The following RNASEH2B variants were observed in gnomAD, a reference collection of about 807,000 sequenced individuals.
The protein encoded by RNASEH2B is ribonuclease H2 subunit B.
A neutral mutation model predicts 45.0 loss-of-function variants in RNASEH2B; 36 were observed. That is an observed-to-expected ratio of 0.80 (90% confidence interval 0.61 to 1.06). RNASEH2B has a LOEUF of 1.06. RNASEH2B is among the 50% of genes least tolerant of loss of function. RNASEH2B has a pLI of 0.00. For synonymous variants in RNASEH2B, 119 were observed against 125.7 expected (o/e 0.95, Z 0.35); for missense variants, 361 against 360.3 (o/e 1.00, Z -0.02).
chr13:50,934,939 A>G lies in RNASEH2B; in HGVS notation c.376A>G (p.Ile126Val), dbSNP rs569343532. 1.9e-6 allele frequency: 3 copies of G among 1,614,052 alleles called. No individual in the cohort carries two copies. In the African/African-American group the frequency reaches 4.0e-5, roughly 22 times the overall value. Residue 126 changes from isoleucine to valine, a missense_variant, in exon 5 of 11, where the codon ATC (isoleucine) becomes GTC (valine). Ile to Val is a conservative substitution (Grantham distance 29, BLOSUM62 3). Transcript: ENST00000336617. ...VVVDNVFPNC[I>V]LLLKLPGLEK... Reference sequence around the variant, plus strand: ...GGTGGATAACGTGTTTCCAAATTGCATCTTGTTGCTGAAACTTCCTGGACT... The same window carrying G: ...GGTGGATAACGTGTTTCCAAATTGCGTCTTGTTGCTGAAACTTCCTGGACT...
intron 1 of RNASEH2B, 171 bp from the exon 2 acceptor site, chr13:50,927,236 A>G (rs929083146): frequency 4.7e-5 from 26 of 549,436 alleles, no homozygotes; most frequent in Non-Finnish European, 6.0e-5. Context: ...TTCAACTGCA[A>G]CTTGCAGAGA....
chr13:50,952,330 T>C (rs1229610986), intron 9 of RNASEH2B: 1 of 152,212 alleles, frequency 6.6e-6, no homozygotes, highest in Non-Finnish European at 1.5e-5. Flanking sequence ...TTCACCCTCC[T>C]AGCTGAAGAT....
At chr13:50,939,356 C>CAAAAAAAAAAA (rs71190394) in intron 5 of RNASEH2B, among the ~76,000 whole-genome samples, 1,566 of 145,576 alleles carry the variant, frequency 0.011, 30 homozygotes, top group African/African-American at 0.035. Flanking sequence ...GACTCTGTTT[C>CAAAAAAAAAAA]AAAAGAAAAA....
chr13:50,968,249 A>G (rs1952185231), intron 9 of RNASEH2B, among the ~76,000 whole-genome samples: 1 of 152,082 alleles, frequency 6.6e-6, no homozygotes, highest in African/African-American at 2.4e-5. Context: ...AAAAATAAAA[A>G]ATTAGCCAGG....
chr13:50,959,482 T>A (rs940501991), downstream of RNASEH2B: 3 of 152,132 alleles, frequency 2.0e-5, no homozygotes, highest in African/African-American at 7.2e-5. Context: ...AGATGGAGTT[T>A]CGCTCTTGTT....
chr13:50,953,295 G>A (rs1951999441), intron 9 of RNASEH2B: 1 of 153,260 alleles, frequency 6.5e-6, no homozygotes, highest in African/African-American at 2.4e-5. Flanking sequence ...TGACTTAGTT[G>A]CATTGGGCCT....
rs998580144 is a variant in RNASEH2B, at chr13:50,956,299, A to G, written c.823-59A>G. ...AGACATGCAGTCTTCTTTGATTTCC[A>G]TATATGATTAATAAATGTTACATTC... On this transcript the variant is annotated intron_variant, in intron 10 of 10. Transcript: ENST00000336617. 8.9e-6 allele frequency: 12 copies of G among 1,347,914 alleles called. No individual in the cohort carries two copies. The African/African-American group carries it at 1.0e-4, about 11-fold the overall frequency. The allele number at this position is 1,347,914 out of a possible 1,614,324, so 83.5% of individuals were successfully genotyped here. A position where few individuals can be genotyped will look rare whatever the true frequency, so the allele number is the denominator to read the frequency against.
intron 5 of RNASEH2B, chr13:50,941,152 T>G (rs1317864400): frequency 6.6e-6 from 1 of 152,248 alleles, no homozygotes; most frequent in Non-Finnish European, 1.5e-5. Flanking sequence ...CAAATCATAT[T>G]TTTCATCACA....
At chr13:50,949,440 A>G in intron 8 of RNASEH2B, 23 bp from the exon 9 acceptor site, 1 of 1,611,372 alleles carries the variant, frequency 6.2e-7, no homozygotes, top group Non-Finnish European at 8.5e-7. Flanking sequence ...GATGACTTTG[A>G]TTGTTATTTT....
intron 1 of RNASEH2B, among the ~76,000 whole-genome samples, chr13:50,926,667 A>G (rs1951600948): frequency 1.3e-5 from 2 of 152,200 alleles, no homozygotes; most frequent in Admixed American, 1.3e-4. Context: ...AATTCACAGA[A>G]TCTTAAGAAA....
At position 50,933,193 on chromosome 13, in the gene RNASEH2B, C is replaced by T. The variant is rs564841649; in HGVS notation, c.322-1692C>T. Among the ~76,000 whole-genome samples the T allele has an allele frequency of 7.9e-5, 12 of 152,332 alleles. 1 individual carries two copies. The South Asian group carries it at 2.3e-3, about 29-fold the overall frequency. ...AATTAATGAGCAGAAAGACACCAACCAGCCTCAGCAAATGTATTGATCTGC... is the reference window on the plus strand; with the variant it reads ...AATTAATGAGCAGAAAGACACCAACTAGCCTCAGCAAATGTATTGATCTGC... On this transcript the variant is annotated intron_variant, in intron 4 of 10. Coordinates refer to ENST00000336617, the MANE Select transcript of RNASEH2B (RefSeq NM_024570.4).
chr13:50,966,643 A>C (rs1013661532), intron 9 of RNASEH2B, among the ~76,000 whole-genome samples: 5 of 152,090 alleles, frequency 3.3e-5, no homozygotes, highest in Admixed American at 6.5e-5. Context: ...TCGGTTCTGC[A>C]CTGCCAAAGA....
intron 7 of RNASEH2B, among the ~76,000 whole-genome samples, chr13:50,947,541 G>A (rs1951918660): frequency 6.6e-6 from 1 of 151,652 alleles, no homozygotes; most frequent in Non-Finnish European, 1.5e-5. Context: ...TCTCTTAAAT[G>A]AGTACACTCA....
intron 5 of RNASEH2B, chr13:50,941,285 G>A: frequency 6.6e-6 from 1 of 152,228 alleles, no homozygotes; most frequent in Non-Finnish European, 1.5e-5. Flanking sequence ...TACACATGGG[G>A]GAACAGGCTT....
intron 1 of RNASEH2B, among the ~76,000 whole-genome samples, chr13:50,924,988 G>GT (rs796524573): frequency 3.0e-4 from 44 of 148,628 alleles, no homozygotes; most frequent in Admixed American, 7.4e-4. Flanking sequence ...CTTTCTTCAA[G>GT]TTTTTTTTTT....
chr13:50,930,360 C>T (rs915740317), intron 3 of RNASEH2B, among the ~76,000 whole-genome samples: 1 of 152,196 alleles, frequency 6.6e-6, no homozygotes, highest in African/African-American at 2.4e-5. Flanking sequence ...TCTGTGCTTC[C>T]TCCTAACCCC....
chr13:50,951,471 T>C (rs1483681267), intron 9 of RNASEH2B: 1 of 152,238 alleles, frequency 6.6e-6, no homozygotes, highest in Non-Finnish European at 1.5e-5. Context: ...TTGTTGAAAC[T>C]CAGCTTCCAA....
chr13:50,948,212 G>A, intron 8 of RNASEH2B, 144 bp downstream of exon 8: 1 of 1,349,332 alleles, frequency 7.4e-7, no homozygotes, highest in Non-Finnish European at 9.9e-7. Context: ...GTGCTTTGGG[G>A]ATGATTTTTA....
intron 9 of RNASEH2B, chr13:50,953,586 G>A (rs1490252020): frequency 2.3e-5 from 9 of 389,732 alleles, no homozygotes; most frequent in Non-Finnish European, 4.2e-5. Context: ...CATTCATCTG[G>A]TAATTAGCAA....
Sources: allele counts gnomAD v4.1 joint callset (sites outside exome capture counted in the v4.1 genomes callset), GRCh38; gene constraint gnomAD v4.1.1; transcripts MANE v1.5; gene names NCBI Gene and HGNC (gene_info 2026-07-23, HGNC 2026-07-21).